The following ARB2A variants were observed in gnomAD, a reference collection of about 807,000 sequenced individuals.
The protein encoded by ARB2A is cotranscriptional regulator ARB2A.
the ARB2A span, among the ~76,000 whole-genome samples, chr5:94,110,305 C>G: frequency 6.6e-6 from 1 of 152,174 alleles, no homozygotes; most frequent in Admixed American, 6.5e-5. Flanking sequence ...TGCTGTCTTC[C>G]CATCACCTGA....
chr5:93,784,685 C>A, the ARB2A span, among the ~76,000 whole-genome samples: 4 of 151,994 alleles, frequency 2.6e-5, no homozygotes, highest in Admixed American at 2.6e-4. Context: ...GTGAAAAGAC[C>A]TAATATTTCA....
the ARB2A span, among the ~76,000 whole-genome samples, chr5:93,647,843 T>C: frequency 6.6e-6 from 1 of 152,146 alleles, no homozygotes; most frequent in Non-Finnish European, 1.5e-5. Context: ...ATTTTGAAAA[T>C]GATTAAGATT....
the ARB2A span, among the ~76,000 whole-genome samples, chr5:93,955,792 G>A: frequency 6.6e-6 from 1 of 152,162 alleles, no homozygotes; most frequent in Non-Finnish European, 1.5e-5. Context: ...TGGAAGCTGG[G>A]TCATGGCGGG....
At chr5:94,074,818 T>G in the ARB2A span, 16 of 1,273,526 alleles carry the variant, frequency 1.3e-5, no homozygotes, top group African/African-American at 3.0e-5. Context: ...AACCTATCTA[T>G]TCCACGAGAA....
chr5:93,956,106 G>A, the ARB2A span, among the ~76,000 whole-genome samples: 1 of 152,216 alleles, frequency 6.6e-6, no homozygotes, highest in African/African-American at 2.4e-5. Flanking sequence ...AACCTCAGAA[G>A]CACTTGTGGG....
chr5:93,951,684 G>A, the ARB2A span, among the ~76,000 whole-genome samples: 3 of 152,016 alleles, frequency 2.0e-5, no homozygotes, highest in African/African-American at 7.2e-5. Context: ...TGGTTGATGT[G>A]TCTGTTTTTA....
chr5:93,792,617 C>T, the ARB2A span, among the ~76,000 whole-genome samples: 2 of 145,760 alleles, frequency 1.4e-5, no homozygotes, highest in East Asian at 2.0e-4. Context: ...AAACCAAACA[C>T]GCATGTTCTC....
At chr5:93,673,135 T>C in the ARB2A span, among the ~76,000 whole-genome samples, 1 of 152,250 alleles carries the variant, frequency 6.6e-6, no homozygotes, top group Non-Finnish European at 1.5e-5. Flanking sequence ...TACTTTACAC[T>C]GTAGATTTTA....
At chr5:93,762,523 C>A in the ARB2A span, among the ~76,000 whole-genome samples, 3 of 152,136 alleles carry the variant, frequency 2.0e-5, no homozygotes, top group African/African-American at 7.2e-5. Context: ...AAGAAATGAA[C>A]AAAGCCTCCA....
At chr5:93,620,799 C>T in the ARB2A span, 37 of 645,448 alleles carry the variant, frequency 5.7e-5, no homozygotes, top group Non-Finnish European at 7.4e-5. Context: ...GACCAGTGAA[C>T]CCATATTGCT....
chr5:93,857,722 G>C, the ARB2A span, among the ~76,000 whole-genome samples: 1 of 152,196 alleles, frequency 6.6e-6, no homozygotes, highest in Admixed American at 6.5e-5. Context: ...GGAACTCCCT[G>C]ACCCCTTGCG....
chr5:93,773,491 C>T, the ARB2A span, among the ~76,000 whole-genome samples: 9 of 152,308 alleles, frequency 5.9e-5, no homozygotes, highest in Admixed American at 2.6e-4. Flanking sequence ...AGGCAGGACG[C>T]TAATGGCCCA....
chr5:93,765,777 A>C, the ARB2A span, among the ~76,000 whole-genome samples: 10 of 152,198 alleles, frequency 6.6e-5, no homozygotes, highest in African/African-American at 2.4e-4. Context: ...ACACTACCTG[A>C]CTTCAAACTA....
the ARB2A span, among the ~76,000 whole-genome samples, chr5:93,808,627 T>C: frequency 6.6e-6 from 1 of 151,878 alleles, no homozygotes; most frequent in Non-Finnish European, 1.5e-5. Context: ...AAAAACCTGA[T>C]TAGAATGTAT....
chr5:94,025,446 A>G, the ARB2A span, among the ~76,000 whole-genome samples: 1 of 152,216 alleles, frequency 6.6e-6, no homozygotes, highest in Non-Finnish European at 1.5e-5. Flanking sequence ...TTTTAACTTC[A>G]TTTAACCTTT....
At chr5:93,972,427 G>A in the ARB2A span, among the ~76,000 whole-genome samples, 1 of 149,026 alleles carries the variant, frequency 6.7e-6, no homozygotes, top group African/African-American at 2.5e-5. Flanking sequence ...AGGGAAAAAA[G>A]AATAACAAAT....
At chr5:93,913,559 T>C in the ARB2A span, among the ~76,000 whole-genome samples, 2 of 151,944 alleles carry the variant, frequency 1.3e-5, no homozygotes, top group Admixed American at 1.3e-4. Context: ...TCAGTTTTGC[T>C]GTCCTATTGC....
the ARB2A span, among the ~76,000 whole-genome samples, chr5:93,825,475 C>A: frequency 6.6e-6 from 1 of 152,176 alleles, no homozygotes; most frequent in African/African-American, 2.4e-5. Flanking sequence ...TTTTACCATT[C>A]TTCCACCCAA....
the ARB2A span, among the ~76,000 whole-genome samples, chr5:94,036,850 G>A: frequency 6.6e-6 from 1 of 152,262 alleles, no homozygotes; most frequent in East Asian, 1.9e-4. Flanking sequence ...TTAGAATCCA[G>A]GTTTTGTTAC....
Sources: gnomAD v4.1 joint callset for allele counts (sites outside exome capture counted in the v4.1 genomes callset) on GRCh38, gnomAD v4.1.1 for gene constraint, MANE v1.5 for transcripts, NCBI Gene and HGNC (gene_info 2026-07-23, HGNC 2026-07-21) for gene names.